Variants in LRP1B observed in about 807,000 individuals in gnomAD.
The protein encoded by LRP1B is low-density lipoprotein receptor-related protein 1B.
Under a neutral mutation model 556.6 loss-of-function variants are expected in LRP1B, and 217 were observed. That is an observed-to-expected ratio of 0.39 (90% CI 0.35 to 0.44). The LOEUF (loss-of-function observed/expected upper bound fraction) is 0.44, where lower values mean the gene tolerates loss of function less well. Among genes scored for constraint, LRP1B ranks in the 20% least tolerant of loss-of-function variants. LRP1B has a pLI of 1.00. For synonymous variants in LRP1B, 2,047 were observed against 1,865.8 expected, an observed-to-expected ratio of 1.10 and a Z score of -2.50; for missense variants, 5,053 against 5,620.8, an observed-to-expected ratio of 0.90 and a Z score of 3.23.
intron 2 of LRP1B, among the ~76,000 whole-genome samples, chr2:141,776,005 G>A (rs758660284): frequency 7.0e-6 from 1 of 143,380 alleles, no homozygotes; most frequent in African/African-American, 2.7e-5. Context: ...ATCACGCCAG[G>A]TTAATTTTTT....
Position 140,303,058 on chromosome 2 carries a change from TACAC to T in LRP1B, c.12806-5093_12806-5090del, listed in dbSNP as rs200121342. On this transcript the variant is annotated intron_variant, in intron 83 of 90. Coordinates refer to ENST00000389484, the MANE Select transcript of LRP1B (RefSeq NM_018557.3). ...ATATATATATATATATATATGGACA[TACAC>T]ACACACATATATATCGGTTCTTTTT... Among the ~76,000 whole-genome samples the T allele has an allele frequency of 2.4e-4, 33 of 135,222 alleles. 1 individual carries two copies. The East Asian group carries it at 2.7e-3, about 11-fold the overall frequency. The allele number at this position is 135,222 out of a possible 152,430, so 88.7% of individuals were successfully genotyped here.
intron 27 of LRP1B, among the ~76,000 whole-genome samples, chr2:140,859,810 C>T (rs187233927): frequency 2.6e-5 from 4 of 151,860 alleles, no homozygotes; most frequent in Admixed American, 6.6e-5. Flanking sequence ...CTGGCTAACA[C>T]GGTGAAACCC....
chr2:140,665,779 T>A (rs1685245301), intron 41 of LRP1B, among the ~76,000 whole-genome samples: 1 of 152,100 alleles, frequency 6.6e-6, no homozygotes, highest in African/African-American at 2.4e-5. Context: ...CATGCTAGAT[T>A]TTCATAAAGA....
At chr2:141,822,179 T>C (rs1574400414) in intron 1 of LRP1B, among the ~76,000 whole-genome samples, 1 of 142,844 alleles carries the variant, frequency 7.0e-6, no homozygotes, top group South Asian at 2.3e-4. Flanking sequence ...ACCCTGTCTT[T>C]TATTTAGCAA....
chr2:142,027,387 T>A (rs1703544257), intron 1 of LRP1B, among the ~76,000 whole-genome samples: 1 of 151,770 alleles, frequency 6.6e-6, no homozygotes, highest in Non-Finnish European at 1.5e-5. Context: ...TAAAAATCTT[T>A]CCACTATATA....
chr2:140,723,362 C>A (rs542259877), intron 35 of LRP1B, among the ~76,000 whole-genome samples: 55 of 152,112 alleles, frequency 3.6e-4, no homozygotes, highest in Middle Eastern at 3.4e-3. Context: ...TCATCTTCTT[C>A]TTATTATTAT....
chr2:140,564,999 G>A (rs1475292933), intron 43 of LRP1B, among the ~76,000 whole-genome samples: 1 of 151,836 alleles, frequency 6.6e-6, no homozygotes, highest in Non-Finnish European at 1.5e-5. Flanking sequence ...AATTTAAGAA[G>A]ATAGTATTAC....
At chr2:141,365,847 G>T (rs1689013692) in intron 3 of LRP1B, among the ~76,000 whole-genome samples, 1 of 151,562 alleles carries the variant, frequency 6.6e-6, no homozygotes, top group Non-Finnish European at 1.5e-5. Context: ...TAATTTTTTG[G>T]TATTTTTAGT....
chr2:141,869,301 T>C (rs1698508754), intron 1 of LRP1B, among the ~76,000 whole-genome samples: 1 of 152,066 alleles, frequency 6.6e-6, no homozygotes, highest in Admixed American at 6.6e-5. Flanking sequence ...AATAACCCCA[T>C]GTGGCTAGTG....
At chr2:141,109,415 T>TA (rs1700693059) in intron 7 of LRP1B, among the ~76,000 whole-genome samples, 1 of 151,796 alleles carries the variant, frequency 6.6e-6, no homozygotes, top group Non-Finnish European at 1.5e-5. Flanking sequence ...CCCAGTCTTT[T>TA]AAAAAACATC....
chr2:140,369,128 G>A (rs1389948899), intron 71 of LRP1B, among the ~76,000 whole-genome samples: 1 of 151,834 alleles, frequency 6.6e-6, no homozygotes, highest in Non-Finnish European at 1.5e-5. Flanking sequence ...GAGGTGCAGT[G>A]GAAAGTAAGT....
At chr2:140,314,179 G>T (rs542602609) in intron 83 of LRP1B, among the ~76,000 whole-genome samples, 1 of 151,960 alleles carries the variant, frequency 6.6e-6, no homozygotes, top group Non-Finnish European at 1.5e-5. Context: ...ATTTATGGTA[G>T]TAACATTAAG....
chr2:141,825,085 G>C (rs562446573), intron 1 of LRP1B, among the ~76,000 whole-genome samples: 15 of 152,288 alleles, frequency 9.8e-5, no homozygotes, highest in African/African-American at 3.4e-4. Context: ...CAAACATGCG[G>C]AACTGTGAGT....
At chr2:141,397,534 T>A (rs1428008784) in intron 3 of LRP1B, among the ~76,000 whole-genome samples, 3 of 151,950 alleles carry the variant, frequency 2.0e-5, no homozygotes, top group South Asian at 2.1e-4. Flanking sequence ...AATATTGGAA[T>A]AACGCATTAA....
At position 141,005,440 on chromosome 2, in the gene LRP1B, C is replaced by G. The variant is rs1000731057; in HGVS notation, c.2398G>C (p.Val800Leu). The G allele has an allele frequency of 1.2e-6, 2 of 1,610,762 alleles. No homozygotes were observed. Among genetic ancestry groups the G allele is most frequent in the South Asian group, 2.2e-5 (2 of 90,882 alleles). Residue 800 changes from valine (V) to leucine (L), a missense_variant, in exon 15 of 91, where the codon GTA becomes CTA. Physicochemically the swap from Val to Leu is conservative, Grantham distance 32. Around this residue, in one of 5 missense-constraint regions of LRP1B, gnomAD observed 3,619 missense variants for 3,931.9 expected, o/e 0.92. Transcript: ENST00000389484. The stretch of plus-strand genomic sequence containing the variant: ...AGTGTACTACAGCCCCCATTATTTA[C>G]TCGGCACATATTGTCACCTGCAAGA... ...RKQQGDNMCR[V>L]NNGGCSTLCL...
At chr2:141,084,284 A>T (rs912943145) in intron 7 of LRP1B, among the ~76,000 whole-genome samples, 2 of 152,198 alleles carry the variant, frequency 1.3e-5, no homozygotes, top group Non-Finnish European at 2.9e-5. Context: ...ACCTTTTGAT[A>T]CAGAATTGGT....
intron 31 of LRP1B, among the ~76,000 whole-genome samples, chr2:140,834,796 A>C (rs1285139320): frequency 6.6e-6 from 1 of 152,202 alleles, no homozygotes; most frequent in Non-Finnish European, 1.5e-5. Context: ...AATATAAACT[A>C]AATTTAACTC....
chr2:141,451,519 C>T (rs1444823165), intron 3 of LRP1B, among the ~76,000 whole-genome samples: 1 of 152,122 alleles, frequency 6.6e-6, no homozygotes, highest in African/African-American at 2.4e-5. Flanking sequence ...CTGTAGGCAC[C>T]TGTGGATAAT....
intron 25 of LRP1B, among the ~76,000 whole-genome samples, chr2:140,868,836 G>A (rs748594440): frequency 1.3e-4 from 20 of 152,046 alleles, no homozygotes; most frequent in Non-Finnish European, 2.5e-4. Context: ...TTAAGTAGAG[G>A]AGAAATGTTA....
Sources: allele counts gnomAD v4.1 joint callset (sites outside exome capture counted in the v4.1 genomes callset), GRCh38; gene constraint gnomAD v4.1.1; regional missense constraint gnomAD v4.1.1; transcripts MANE v1.5; gene names NCBI Gene and HGNC (gene_info 2026-07-23, HGNC 2026-07-21).